Variants in MEGF6 observed in about 807,000 individuals in gnomAD.
The protein encoded by MEGF6 is multiple epidermal growth factor-like domains protein 6.
Under a neutral mutation model 207.1 loss-of-function variants are expected in MEGF6, and 184 were observed. That is an observed-to-expected ratio of 0.89 (90% CI 0.79 to 1.00). MEGF6 has a LOEUF of 1.00. Among genes scored for constraint, MEGF6 ranks in the 50% least tolerant of loss-of-function variants. The pLI is 0.00. For missense variants in MEGF6, 2,282 were observed against 2,202.9 expected (o/e 1.04, Z -0.72); for synonymous variants, 1,038 against 910.0 (o/e 1.14, Z -2.53).
chr1:3,513,444 T>C (rs996700352), intron 7 of MEGF6, among the ~76,000 whole-genome samples: 1 of 151,660 alleles, frequency 6.6e-6, no homozygotes, highest in African/African-American at 2.4e-5. Flanking sequence ...GCTAGTTGGG[T>C]TTTCTTATTT....
At chr1:3,500,514 C>G (rs1016820384) in intron 21 of MEGF6, 119 bp downstream of exon 21, 23 of 1,398,084 alleles carry the variant, frequency 1.6e-5, no homozygotes, top group East Asian at 2.5e-5. Flanking sequence ...CGGCCAAAGG[C>G]TTCGTGTGTG....
At chr1:3,501,576 G>A (rs957873590) in intron 18 of MEGF6, among the ~76,000 whole-genome samples, 1 of 152,152 alleles carries the variant, frequency 6.6e-6, no homozygotes, top group African/African-American at 2.4e-5. Context: ...GCCTCATGCA[G>A]AGAGGGAGCA....
intron 5 of MEGF6, among the ~76,000 whole-genome samples, chr1:3,523,821 C>T (rs1641856437): frequency 6.6e-6 from 1 of 152,250 alleles, no homozygotes; most frequent in Admixed American, 6.5e-5. Context: ...CCCACGGGCT[C>T]ACTCCCCTGT....
At chr1:3,621,011 C>A in the MEGF6 span, among the ~76,000 whole-genome samples, 4 of 152,222 alleles carry the variant, frequency 2.6e-5, no homozygotes, top group African/African-American at 9.7e-5. Context: ...GGTACTTCCA[C>A]TAATTTTGCA....
intron 23 of MEGF6, 49 bp from the exon 24 acceptor site, chr1:3,499,315 G>C: frequency 6.4e-7 from 1 of 1,558,894 alleles, no homozygotes; most frequent in East Asian, 2.3e-5. Flanking sequence ...AGGACCCCAG[G>C]GGTTGGCAGC....
chr1:3,598,755 C>T (rs1445963149), intron 2 of MEGF6, among the ~76,000 whole-genome samples: 1 of 148,634 alleles, frequency 6.7e-6, no homozygotes, highest in Non-Finnish European at 1.5e-5. Context: ...CTGCCTTCTG[C>T]AGCCACCAGC....
At chr1:3,538,843 C>T (rs1204910007) in intron 4 of MEGF6, among the ~76,000 whole-genome samples, 1 of 152,136 alleles carries the variant, frequency 6.6e-6, no homozygotes, top group Non-Finnish European at 1.5e-5. Context: ...ACAGCACCCG[C>T]TGGGGATGTA....
intron 4 of MEGF6, among the ~76,000 whole-genome samples, chr1:3,548,672 G>A (rs1271252684): frequency 1.3e-5 from 2 of 152,204 alleles, no homozygotes; most frequent in Non-Finnish European, 2.9e-5. Flanking sequence ...TGGGAGGGCG[G>A]TGTCCAGGCA....
chr1:3,503,128 C>T (rs1277683025), intron 17 of MEGF6, among the ~76,000 whole-genome samples: 2 of 152,166 alleles, frequency 1.3e-5, no homozygotes, highest in African/African-American at 4.8e-5. Context: ...GCAGACCTGA[C>T]CCCGCTGAGG....
At chr1:3,616,151 C>T (rs576777876), upstream of MEGF6, among the ~76,000 whole-genome samples, 33 of 152,154 alleles carry the variant, frequency 2.2e-4, no homozygotes, top group Non-Finnish European at 2.4e-4. Flanking sequence ...GTCCGGTCCG[C>T]GGGCTGGCGG....
At chr1:3,535,267 G>A (rs955923793) in intron 4 of MEGF6, among the ~76,000 whole-genome samples, 16 of 152,148 alleles carry the variant, frequency 1.1e-4, no homozygotes, top group Non-Finnish European at 1.9e-4. Context: ...ACAGCGCAGC[G>A]AGGCCTTCGG....
In MEGF6 at chr1:3,502,669, C is replaced by A. The variant is rs559008461; in HGVS notation, c.2189-748G>T. On this transcript the variant is annotated intron_variant, in intron 17 of 36. Transcript: ENST00000356575. ...CAGGAAGGGGGACCTGGGGAGAGAA[C>A]GTGGGGGCTGAGGATTGGGACCCCT... 5.4e-4 allele frequency among the ~76,000 whole-genome samples: 82 copies of A among 152,190 alleles called. 1 individual carries two copies. The highest frequency in any genetic ancestry group is 5.2e-3 in the Admixed American group (80 of 15,298).
intron 1 of MEGF6, among the ~76,000 whole-genome samples, chr1:3,607,625 TC>T (rs1557432681): frequency 1.3e-5 from 2 of 152,160 alleles, no homozygotes; most frequent in African/African-American, 4.8e-5. Flanking sequence ...AAAAGAAACC[TC>T]CCACTGCTGC....
chr1:3,553,282 G>T (rs1372343444), intron 4 of MEGF6, among the ~76,000 whole-genome samples: 1 of 151,852 alleles, frequency 6.6e-6, no homozygotes, highest in Admixed American at 6.5e-5. Flanking sequence ...CCCACCCCAG[G>T]GTACTCCGGG....
chr1:3,520,097 G>A (rs1311116081), intron 5 of MEGF6, among the ~76,000 whole-genome samples: 1 of 152,252 alleles, frequency 6.6e-6, no homozygotes, highest in Non-Finnish European at 1.5e-5. Context: ...TCTTCCCTGG[G>A]GTGGCACAGC....
intron 17 of MEGF6, among the ~76,000 whole-genome samples, chr1:3,502,484 C>A (rs1335022476): frequency 6.6e-6 from 1 of 152,158 alleles, no homozygotes; most frequent in African/African-American, 2.4e-5. Context: ...GGAGGCTGTG[C>A]ACCCACTCAC....
At chr1:3,503,392 CTATCAACACTCG>C (rs1192240198) in intron 17 of MEGF6, among the ~76,000 whole-genome samples, 2 of 152,070 alleles carry the variant, frequency 1.3e-5, no homozygotes, top group African/African-American at 4.8e-5. Flanking sequence ...GTTGATCTTT[CTATCAACACTCG>C]GATGTCATCG....
intron 27 of MEGF6, 22 bp from the exon 28 acceptor site, chr1:3,497,141 C>A: frequency 6.4e-7 from 1 of 1,550,812 alleles, no homozygotes; most frequent in South Asian, 1.2e-5. Context: ...CAGGCAGGGT[C>A]GGTCCTGGCC....
Position 3,500,979 on chromosome 1 carries a change from A to G in MEGF6, c.2562T>C (p.Phe854=). Reference sequence around the variant, plus strand: ...GGGCCCCCGTACCTCTCTGGCAGCTAAAGCCGGTCCACCCGGGGGCACAGC... The same window carrying G: ...GGGCCCCCGTACCTCTCTGGCAGCTGAAGCCGGTCCACCCGGGGGCACAGC... ...HCSCAPGWTG[F]SCQRACDTGH... The change falls in exon 20 of 37, where the codon TTT becomes TTC. Residue 854 remains phenylalanine (F), a synonymous_variant. Transcript: ENST00000356575. The G allele has an allele frequency of 6.2e-7, 1 of 1,611,898 alleles. No homozygotes were observed. The highest frequency in any genetic ancestry group is 8.5e-7 in the Non-Finnish European group (1 of 1,179,940).
Sources: allele counts gnomAD v4.1 joint callset (sites outside exome capture counted in the v4.1 genomes callset), GRCh38; gene constraint gnomAD v4.1.1; transcripts MANE v1.5; gene names NCBI Gene and HGNC (gene_info 2026-07-23, HGNC 2026-07-21).